Variants in FSIP2 observed in about 807,000 individuals in gnomAD.
FSIP2 encodes the protein fibrous sheath interacting protein 2, also known as fibrous sheath-interacting protein 2.
FSIP2 carries 367 observed loss-of-function variants against 510.5 expected under a neutral mutation model. The observed-to-expected ratio is 0.72, with a 90% CI of 0.66 to 0.78. The LOEUF (loss-of-function observed/expected upper bound fraction) is 0.78. FSIP2 is among the 30% of genes least tolerant of loss of function. The pLI is 0.00. For missense variants in FSIP2, 7,594 were observed against 7,901.7 expected (o/e 0.96, Z 1.48); for synonymous variants, 2,601 against 2,732.2 (o/e 0.95, Z 1.50).
intron 17 of FSIP2, among the ~76,000 whole-genome samples, chr2:185,811,531 T>G (rs1693730416): frequency 6.6e-6 from 1 of 151,444 alleles, no homozygotes; most frequent in Admixed American, 6.6e-5. Flanking sequence ...TGTTTGTTTG[T>G]TTGTTTGTTT....
At chr2:185,818,108 T>A (rs12613737) in intron 19 of FSIP2, among the ~76,000 whole-genome samples, 82,575 of 151,580 alleles carry the variant, frequency 0.54, 22,733 homozygotes, top group South Asian at 0.64. Flanking sequence ...ATGTAACCCA[T>A]ACAAATGTGC....
Position 185,762,016 on chromosome 2 carries a change from A to T in FSIP2, c.1239A>T (p.Arg413Ser). The T allele has an allele frequency of 7.0e-7, 1 of 1,419,938 alleles. No homozygotes were observed. The highest frequency in any genetic ancestry group is 9.6e-7 in the Non-Finnish European group (1 of 1,044,752). 88.0% of individuals were successfully genotyped at this position (1,419,938 alleles called of 1,614,324 possible). ...VSKNSSIFDDRGGINISGQGS... is the reference protein window; with the variant it reads ...VSKNSSIFDDSGGINISGQGS... The stretch of plus-strand genomic sequence containing the variant: ...AAAACTCAAGTATTTTCGATGATAG[A>T]GGTAAGAAAATAAACAATAGTCATA... Residue 413 changes from arginine (R) to serine (S), a missense_variant and splice_region_variant, in exon 11 of 23, where the codon AGA (arginine) becomes AGT (serine). By Grantham distance (110) the Arg-to-Ser change is moderately radical. Coordinates refer to ENST00000424728, the MANE Select transcript of FSIP2 (RefSeq NM_173651.4).
In FSIP2 at chr2:185,789,519, G is replaced by A; in HGVS notation, c.2383G>A (p.Glu795Lys). The A allele has an allele frequency of 6.5e-7, 1 of 1,534,654 alleles. No individual in the cohort carries two copies. Among genetic ancestry groups the A allele is most frequent in the Non-Finnish European group, 8.7e-7 (1 of 1,145,890 alleles). Residue 795 changes from glutamate to lysine, a missense_variant, in exon 16 of 23, where the codon GAA becomes AAA. Physicochemically the swap from Glu to Lys is moderately conservative, Grantham distance 56 (BLOSUM62 1). Coordinates refer to ENST00000424728, the MANE Select transcript of FSIP2 (RefSeq NM_173651.4). ...TAAACCAAGTTTAGCAGCCAGTGAT[G>A]AACTTCTCACATCATCTAATGGAAA... ...DIKPSLAASDELLTSSNGKPL... is the reference protein window; with the variant it reads ...DIKPSLAASDKLLTSSNGKPL...
chr2:185,797,782 G>A (rs1446433494), intron 16 of FSIP2: 3 of 358,332 alleles, frequency 8.4e-6, no homozygotes, highest in Non-Finnish European at 1.5e-5. Flanking sequence ...TTGAACTCCT[G>A]GACTGAAGAC....
Position 185,788,944 on chromosome 2 carries a change from C to T in FSIP2, c.1808C>T (p.Pro603Leu). 3.3e-6 allele frequency: 5 copies of T among 1,534,962 alleles called. No individual in the cohort carries two copies. The highest frequency in any genetic ancestry group is 4.4e-6 in the Non-Finnish European group (5 of 1,146,012). The change falls in exon 16 of 23, where the codon CCT (proline) becomes CTT (leucine). Residue 603 changes from proline to leucine, a missense_variant. By Grantham distance (98) the Pro-to-Leu change is moderately conservative. Transcript: ENST00000424728. ...RRPTTPIKPPPAHVEKTVVGK... is the reference protein window; with the variant it reads ...RRPTTPIKPPLAHVEKTVVGK... ...CCAACCACACCTATAAAACCTCCTC[C>T]TGCACATGTGGAAAAAACAGTTGTG...
Position 185,800,413 on chromosome 2 carries a change from G to A in FSIP2, c.11107G>A (p.Val3703Ile). ...KEVVNKVFNIVSDLFSPDECL... is the reference protein window; with the variant it reads ...KEVVNKVFNIISDLFSPDECL... ...AGTAGTCAATAAAGTTTTTAATATT[G>A]TTTCAGATTTATTTTCACCAGATGA... is the stretch of plus-strand genomic sequence containing the variant. The change falls in exon 17 of 23, where the codon GTT becomes ATT. Residue 3703 changes from valine (V) to isoleucine (I), a missense_variant. Coordinates refer to ENST00000424728, the MANE Select transcript of FSIP2 (RefSeq NM_173651.4). The A allele has an allele frequency of 6.5e-7, 1 of 1,527,108 alleles. No individual in the cohort carries two copies. The highest frequency in any genetic ancestry group is 8.7e-7 in the Non-Finnish European group (1 of 1,143,630). The allele number at this position is 1,527,108 out of a possible 1,614,324, so 94.6% of individuals were successfully genotyped here.
In FSIP2 at chr2:185,783,427, T is replaced by A. The variant is rs376779396; in HGVS notation, c.1469+665T>A. On this transcript the variant is annotated intron_variant, in intron 14 of 22. Transcript: ENST00000424728. ...CCAATGCCATCATCTTTTTTAAAAA[T>A]GAACAAGCCAAATGAAGTCTAGGAT... Among the ~76,000 whole-genome samples the A allele has an allele frequency of 5.3e-5, 8 of 152,306 alleles. No homozygotes were observed. In the South Asian group the frequency reaches 1.0e-3, roughly 20 times the overall value.
chr2:185,780,072 C>CAA (rs555770165), intron 13 of FSIP2, among the ~76,000 whole-genome samples: 9,647 of 133,380 alleles, frequency 0.072, 474 homozygotes, highest in Non-Finnish European at 0.11. Flanking sequence ...CACTCCATCT[C>CAA]AAAAAAAAAA....
Position 185,791,037 on chromosome 2 carries a change from A to G in FSIP2, c.3901A>G (p.Ile1301Val). ...LSKYTAKIVN[I>V]VLCAIQNELE... ...TAAGTACACAGCTAAAATAGTAAAC[A>G]TTGTTTTATGTGCTATCCAGAATGA... The change falls in exon 16 of 23, where the codon ATT (isoleucine) becomes GTT (valine). Residue 1301 changes from isoleucine (I) to valine (V), a missense_variant. Transcript: ENST00000424728. 6.5e-7 allele frequency: 1 copy of G among 1,532,320 alleles called. No homozygotes were observed. Among genetic ancestry groups the G allele is most frequent in the Non-Finnish European group, 8.7e-7 (1 of 1,144,730 alleles). The allele number at this position is 1,532,320 out of a possible 1,614,324, so 94.9% of individuals were successfully genotyped here. A position where few individuals can be genotyped will look rare whatever the true frequency, so the allele number is the denominator to read the frequency against.
chr2:185,806,884 G>C lies in FSIP2; in HGVS notation c.17578G>C (p.Val5860Leu). 1 of 1,608,856 alleles carries C rather than the reference G, an allele frequency of 6.2e-7. No individual in the cohort carries two copies. Among genetic ancestry groups the C allele is most frequent in the Non-Finnish European group, 8.5e-7 (1 of 1,177,966 alleles). The change falls in exon 17 of 23, where the codon GTG (valine) becomes CTG (leucine). Residue 5860 changes from valine (V) to leucine (L), a missense_variant. Transcript: ENST00000424728. ...DKGNQFPGGKVSSVPKVPPRY... is the reference protein window; with the variant it reads ...DKGNQFPGGKLSSVPKVPPRY... ...GGGAAATCAGTTCCCTGGGGGTAAA[G>C]TGTCTTCAGTTCCTAAAGTACCTCC...
chr2:185,754,447 T>C (rs1388793117), intron 8 of FSIP2, among the ~76,000 whole-genome samples: 1 of 151,514 alleles, frequency 6.6e-6, no homozygotes, highest in Non-Finnish European at 1.5e-5. Flanking sequence ...TTATTTTCCA[T>C]GCAGCTATTG....
chr2:185,812,901 G>A (rs1470032216), intron 17 of FSIP2, among the ~76,000 whole-genome samples: 1 of 152,016 alleles, frequency 6.6e-6, no homozygotes, highest in African/African-American at 2.4e-5. Context: ...GTGGTCAAAA[G>A]CTAGAGAAAT....
In FSIP2 at chr2:185,738,962, T is replaced by A; in HGVS notation, c.68T>A (p.Val23Asp). The A allele has an allele frequency of 2.0e-6, 3 of 1,533,806 alleles. No individual in the cohort carries two copies. Among genetic ancestry groups the A allele is most frequent in the Non-Finnish European group, 2.6e-6 (3 of 1,146,588 alleles). The change falls in exon 1 of 23, where the codon GTC (valine) becomes GAC (aspartate). Residue 23 changes from valine (V) to aspartate (D), a missense_variant. Transcript: ENST00000424728. ...GCCGTCACCAAGACGGTCGCCAGCGTCCTGGCCGCGGACACCCAGCAGTGC... is the reference window on the plus strand; with the variant it reads ...GCCGTCACCAAGACGGTCGCCAGCGACCTGGCCGCGGACACCCAGCAGTGC... ...KVAVTKTVAS[V>D]LAADTQQCRD...
rs1237307268 is a variant in FSIP2, at chr2:185,797,240, T to A, written c.10104T>A (p.Ser3368=). The A allele has an allele frequency of 1.0e-5, 16 of 1,534,970 alleles. No homozygotes were observed. The highest frequency in any genetic ancestry group is 1.7e-4 in the Middle Eastern group (1 of 5,978). ...TCATATCAAAACAAAGCTCTTTATC[T>A]GAAGTATCTGGAGGGCAAAAGGATA... The part of the protein sequence containing the change: ...PFFISKQSSL[S]EVSGGQKDNE... Residue 3368 remains serine (S), a synonymous_variant, in exon 16 of 23, where the codon TCT becomes TCA. Coordinates refer to ENST00000424728, the MANE Select transcript of FSIP2 (RefSeq NM_173651.4).
Position 185,807,035 on chromosome 2 carries a change from A to T in FSIP2, c.17729A>T (p.Lys5910Ile). 1 of 1,595,692 alleles carries T rather than the reference A, an allele frequency of 6.3e-7. No individual in the cohort carries two copies. Among genetic ancestry groups the T allele is most frequent in the Non-Finnish European group, 8.5e-7 (1 of 1,174,014 alleles). The change falls in exon 17 of 23, where the codon AAA becomes ATA. Residue 5910 changes from lysine to isoleucine, a missense_variant. Lys to Ile is a moderately radical substitution (Grantham distance 102, BLOSUM62 -3). Transcript: ENST00000424728. ...PSSDKIPSID[K>I]TLVNKVVHSS... ...TCAGATAAGATACCATCAATTGACA[A>T]AACATTGGTCAATAAAGTTGTTCAC...
chr2:185,744,487 C>A, intron 4 of FSIP2, 76 bp downstream of exon 4: 1 of 297,208 alleles, frequency 3.4e-6, no homozygotes, highest in Non-Finnish European at 6.1e-6. Flanking sequence ...GAGTGTTCTT[C>A]TAATAATATT....
At chr2:185,747,211 G>A (rs12618129) in intron 6 of FSIP2, 102 bp from the exon 7 acceptor site, 347,024 of 636,874 alleles carry the variant, frequency 0.54, 95,764 homozygotes, top group South Asian at 0.64. Context: ...CCTGATTTCT[G>A]TTAGGCCCTG....
At position 185,796,392 on chromosome 2, in the gene FSIP2, A is replaced by C; in HGVS notation, c.9256A>C (p.Ile3086Leu). The C allele has an allele frequency of 6.5e-7, 1 of 1,533,924 alleles. No homozygotes were observed. The highest frequency in any genetic ancestry group is 1.2e-5 in the South Asian group (1 of 83,946). The part of the protein sequence containing the change: ...SQLLTYAVNI[I>L]SDMLAVIKNK... ...ATTACTTACATATGCTGTTAATATCATCAGTGACATGCTTGCTGTAATTAA... is the reference window on the plus strand; with the variant it reads ...ATTACTTACATATGCTGTTAATATCCTCAGTGACATGCTTGCTGTAATTAA... Residue 3086 changes from isoleucine (I) to leucine (L), a missense_variant, in exon 16 of 23, where the codon ATC becomes CTC. Physicochemically the swap from Ile to Leu is conservative, Grantham distance 5 (BLOSUM62 2). Coordinates refer to ENST00000424728, the MANE Select transcript of FSIP2 (RefSeq NM_173651.4).
intron 13 of FSIP2, among the ~76,000 whole-genome samples, chr2:185,768,129 A>G (rs757409728): frequency 6.6e-6 from 1 of 151,772 alleles, no homozygotes; most frequent in Non-Finnish European, 1.5e-5. Flanking sequence ...ATTTTTTTTT[A>G]CTATTGAGTT....
Sources: allele counts gnomAD v4.1 joint callset (sites outside exome capture counted in the v4.1 genomes callset), GRCh38; gene constraint gnomAD v4.1.1; transcripts MANE v1.5; gene names NCBI Gene and HGNC (gene_info 2026-07-23, HGNC 2026-07-21).